Variants in ANKRD11 observed in about 807,000 individuals in gnomAD.
The protein encoded by ANKRD11 is ankyrin repeat domain-containing protein 11.
ANKRD11 carries 17 observed loss-of-function variants against 195.7 expected under a neutral mutation model. That is an observed-to-expected ratio of 0.09 (90% confidence interval 0.06 to 0.13). The LOEUF (loss-of-function observed/expected upper bound fraction) is 0.13, where lower values mean the gene tolerates loss of function less well. ANKRD11 is among the 10% of genes least tolerant of loss of function. ANKRD11 has a pLI of 1.00. For missense variants in ANKRD11, 3,735 were observed against 3,566.1 expected, an observed-to-expected ratio of 1.05 and a Z score of -1.21; for synonymous variants, 1,953 against 1,528.1, an observed-to-expected ratio of 1.28 and a Z score of -6.49.
At chr16:89,350,912 G>A (rs559042037) in intron 2 of ANKRD11, among the ~76,000 whole-genome samples, 3 of 152,120 alleles carry the variant, frequency 2.0e-5, no homozygotes, top group African/African-American at 4.8e-5. Context: ...TTCTTTCCAC[G>A]ATTCAGCAGG....
chr16:89,280,061 C>G lies in ANKRD11; in HGVS notation c.6481G>C (p.Ala2161Pro), dbSNP rs369149353. The G allele has an allele frequency of 8.1e-6, 13 of 1,612,906 alleles. No homozygotes were observed. In the African/African-American group the frequency reaches 1.2e-4, roughly 15 times the overall value. Residue 2161 changes from alanine to proline, a missense_variant, in exon 9 of 13, where the codon GCT (alanine) becomes CCT (proline). Physicochemically the swap from Ala to Pro is conservative, Grantham distance 27. Coordinates refer to ENST00000301030, the MANE Select transcript of ANKRD11 (RefSeq NM_013275.6). ...GEAEPVEESL[A>P]PPEEMPPGAP... Reference sequence around the variant, plus strand: ...CCTGGAGGCATCTCTTCTGGAGGAGCAAGACTTTCTTCCACGGGTTCCGCT... The same window carrying G: ...CCTGGAGGCATCTCTTCTGGAGGAGGAAGACTTTCTTCCACGGGTTCCGCT...
chr16:89,437,554 G>T (rs889293290), intron 1 of ANKRD11, among the ~76,000 whole-genome samples: 3 of 152,096 alleles, frequency 2.0e-5, no homozygotes, highest in Non-Finnish European at 4.4e-5. Flanking sequence ...GTCCTCCAGA[G>T]ACAGTCCTCC....
intron 11 of ANKRD11, chr16:89,272,820 C>CA (rs147154791): frequency 0.034 from 5,112 of 152,074 alleles, 149 homozygotes; most frequent in East Asian, 0.063. Flanking sequence ...TATTCAGCCA[C>CA]AAAAAAGAAT....
At chr16:89,323,140 A>G (rs1369317357) in intron 2 of ANKRD11, 2 of 359,402 alleles carry the variant, frequency 5.6e-6, no homozygotes, top group Non-Finnish European at 1.1e-5. Flanking sequence ...GAAAGGGAGA[A>G]GCACGGTCTC....
At chr16:89,403,321 CGGCCCCTCCTGACT>C (rs1366588626) in intron 2 of ANKRD11, among the ~76,000 whole-genome samples, 4 of 152,138 alleles carry the variant, frequency 2.6e-5, no homozygotes, top group East Asian at 3.9e-4. Flanking sequence ...CCCTCCTGAC[CGGCCCCTCCTGACT>C]GGCCCCAGCA....
intron 2 of ANKRD11, among the ~76,000 whole-genome samples, chr16:89,377,610 G>A (rs150093707): frequency 1.8e-3 from 271 of 152,298 alleles, no homozygotes; most frequent in Middle Eastern, 0.01. Flanking sequence ...AGGTGACGAG[G>A]AGGAGGTAGC....
rs772144411 is a variant in ANKRD11 at position 89,280,259 on chromosome 16, G to C, written c.6283C>G (p.Leu2095Val). ...CVAAVAQVEA[L>V]GPLENSFLDG... ...AGGAAGCTATTTTCCAGGGGCCCCA[G>C]AGCCTCCACCTGAGCCACAGCGGCT... The change falls in exon 9 of 13, where the codon CTG becomes GTG. Residue 2095 changes from leucine (L) to valine (V), a missense_variant. Leu to Val is a conservative substitution (Grantham distance 32). Transcript: ENST00000301030. 14 of 1,608,928 alleles carry C rather than the reference G, an allele frequency of 8.7e-6. No homozygotes were observed. The Admixed American group carries it at 2.3e-4, about 27-fold the overall frequency.
rs778091922 is a variant in ANKRD11, at chr16:89,305,353, G to C, written c.88-9C>G. ...GAAACTTTATCTTTATCCTAGAAAA[G>C]AAAGGGATGCTTTCAGTCGTGATGT... On this transcript the variant is annotated splice_polypyrimidine_tract_variant and intron_variant, in intron 3 of 12. Coordinates refer to ENST00000301030, the MANE Select transcript of ANKRD11 (RefSeq NM_013275.6). 7 of 1,613,910 alleles carry C rather than the reference G, an allele frequency of 4.3e-6. No individual in the cohort carries two copies. The highest frequency in any genetic ancestry group is 1.3e-5 in the African/African-American group (1 of 75,018).
chr16:89,338,457 G>C (rs2038488842), intron 2 of ANKRD11, among the ~76,000 whole-genome samples: 1 of 149,580 alleles, frequency 6.7e-6, no homozygotes, highest in Admixed American at 6.6e-5. Context: ...ACCAGGCGCT[G>C]TGGCTCACAC....
At chr16:89,487,300 G>A (rs1261539919) in intron 1 of ANKRD11, among the ~76,000 whole-genome samples, 3 of 152,184 alleles carry the variant, frequency 2.0e-5, no homozygotes, top group Admixed American at 6.5e-5. Context: ...GTTACACAGA[G>A]TAATGGACAG....
At position 89,284,758 on chromosome 16, in the gene ANKRD11, C is replaced by G. The variant is rs747124773; in HGVS notation, c.1784G>C (p.Arg595Thr). 6.2e-7 allele frequency: 1 copy of G among 1,613,622 alleles called. No individual in the cohort carries two copies. The highest frequency in any genetic ancestry group is 8.5e-7 in the Non-Finnish European group (1 of 1,179,998). Residue 595 changes from arginine to threonine, a missense_variant, in exon 9 of 13, where the codon AGG becomes ACG. Physicochemically the swap from Arg to Thr is moderately conservative, Grantham distance 71. Coordinates refer to ENST00000301030, the MANE Select transcript of ANKRD11 (RefSeq NM_013275.6). ...SVESLKPVRK[R>T]QEHRKRASLS... The stretch of plus-strand genomic sequence containing the variant: ...GGAGGCTCGCTTCCTGTGCTCCTGC[C>G]TCTTCCTCACTGGCTTCAGCGATTC...
rs147543820 is a variant in ANKRD11, at chr16:89,381,939, G to A, written c.-60+36345C>T. Among the ~76,000 whole-genome samples the A allele has an allele frequency of 7.1e-3, 1,081 of 152,312 alleles. 10 individuals carry two copies. Among genetic ancestry groups the A allele is most frequent in the African/African-American group, 0.025 (1,035 of 41,572 alleles). On this transcript the variant is annotated intron_variant, in intron 2 of 12. Transcript: ENST00000301030. ...TCTCAGGCTGTGACCTCTCCACGGGGCTCAGACTGTATCTAGTTCTATCTT... is the reference window on the plus strand; with the variant it reads ...TCTCAGGCTGTGACCTCTCCACGGGACTCAGACTGTATCTAGTTCTATCTT...
At chr16:89,488,941 G>A (rs1178494780) in intron 1 of ANKRD11, 2 of 152,146 alleles carry the variant, frequency 1.3e-5, no homozygotes, top group Admixed American at 1.3e-4. Flanking sequence ...ATGTTACATA[G>A]AAGGAAAACA....
chr16:89,450,709 C>T (rs1210148667), intron 1 of ANKRD11, among the ~76,000 whole-genome samples: 1 of 152,216 alleles, frequency 6.6e-6, no homozygotes, highest in East Asian at 1.9e-4. Flanking sequence ...GGTGTCCAGG[C>T]TGGTCTCTAA....
chr16:89,281,754 C>T lies in ANKRD11; in HGVS notation c.4788G>A (p.Glu1596=). ...MLSQKDLEIE[E]RHKRHKERMK... Reference sequence around the variant, plus strand: ...TCCTCTCCTTGTGCCGCTTGTGGCGCTCCTCGATCTCCAGGTCCTTCTGGG... The same window carrying T: ...TCCTCTCCTTGTGCCGCTTGTGGCGTTCCTCGATCTCCAGGTCCTTCTGGG... Residue 1596 remains glutamate (E), a synonymous_variant, in exon 9 of 13, where the codon GAG becomes GAA. Transcript: ENST00000301030. The surrounding 1 kb of genome is among the most constrained non-coding windows in gnomAD (Gnocchi z 5.5). 1 of 1,614,080 alleles carries T rather than the reference C, an allele frequency of 6.2e-7. No individual in the cohort carries two copies. Among genetic ancestry groups the T allele is most frequent in the Non-Finnish European group, 8.5e-7 (1 of 1,180,020 alleles).
At chr16:89,287,501 C>T (rs2151777133) in intron 7 of ANKRD11, 1 of 209,048 alleles carries the variant, frequency 4.8e-6, no homozygotes, top group Non-Finnish European at 9.9e-6. Context: ...GCATCGGATG[C>T]CCCAGCCCCA....
chr16:89,361,153 G>T (rs2039713735), intron 2 of ANKRD11, among the ~76,000 whole-genome samples: 2 of 152,182 alleles, frequency 1.3e-5, no homozygotes, highest in Admixed American at 1.3e-4. Flanking sequence ...ACTTCTTCCT[G>T]TAAGCCTGAA....
rs750331558 is a variant in ANKRD11, at chr16:89,280,352, A to G, written c.6190T>C (p.Ser2064Pro). ...APYAPPSGLE[S>P]FFSNCKSLPE... ...AGTGACTTGCAGTTGCTGAAGAAGG[A>G]CTCCAGCCCGGAGGGAGGGGCGTAG... is the stretch of plus-strand genomic sequence containing the variant. Residue 2064 changes from serine to proline, a missense_variant, in exon 9 of 13, where the codon TCC (serine) becomes CCC (proline). Transcript: ENST00000301030. The G allele has an allele frequency of 3.8e-6, 6 of 1,570,438 alleles. No individual in the cohort carries two copies. The highest frequency in any genetic ancestry group is 1.2e-5 in the South Asian group (1 of 86,172).
At position 89,362,327 on chromosome 16, in the gene ANKRD11, C is replaced by G. The variant is rs1001977746; in HGVS notation, c.-59-45249G>C. Among the ~76,000 whole-genome samples, 114 of 152,210 alleles carry G rather than the reference C, an allele frequency of 7.5e-4. 2 individuals carry two copies. Among genetic ancestry groups the G allele is most frequent in the Admixed American group, 7.5e-3 (114 of 15,278 alleles). On this transcript the variant is annotated intron_variant, in intron 2 of 12. Transcript: ENST00000301030. Reference sequence around the variant, plus strand: ...CTCTGTCTGCCTGAGTGAAACCTCACGACACCTTGCACAGCCCGCAGTCCT... The same window carrying G: ...CTCTGTCTGCCTGAGTGAAACCTCAGGACACCTTGCACAGCCCGCAGTCCT...
Sources: gnomAD v4.1 joint callset for allele counts (sites outside exome capture counted in the v4.1 genomes callset) on GRCh38, gnomAD v4.1.1 for gene constraint, Gnocchi (gnomAD v3.1) non-coding constraint, MANE v1.5 for transcripts, NCBI Gene and HGNC (gene_info 2026-07-23, HGNC 2026-07-21) for gene names.